The following HS6ST3 variants were observed in gnomAD, a reference collection of about 807,000 sequenced individuals.
The protein encoded by HS6ST3 is heparan sulfate 6-O-sulfotransferase 3, also known as heparan-sulfate 6-O-sulfotransferase 3.
A neutral mutation model predicts 36.7 loss-of-function variants in HS6ST3; 12 were observed. That is an observed-to-expected ratio of 0.33 (90% CI 0.21 to 0.53). The LOEUF is 0.53. Among genes scored for constraint, HS6ST3 ranks in the 20% least tolerant of loss-of-function variants. The pLI is 0.95. For missense variants in HS6ST3, 584 were observed against 640.9 expected (o/e 0.91, Z 0.96); for synonymous variants, 240 against 257.5 (o/e 0.93, Z 0.65).
chr13:96,121,055 A>C (rs1233637684), intron 1 of HS6ST3, among the ~76,000 whole-genome samples: 2 of 152,184 alleles, frequency 1.3e-5, no homozygotes, highest in Admixed American at 1.3e-4. Context: ...CAAGTCCGAG[A>C]CCTAAAACAG....
At chr13:96,317,370 A>T (rs1186498978) in intron 1 of HS6ST3, among the ~76,000 whole-genome samples, 11 of 15,354 alleles carry the variant, frequency 7.2e-4, no homozygotes, top group African/African-American at 8.7e-4. Context: ...ATATATATAA[A>T]ATTATATATA....
chr13:96,354,478 A>G (rs545924264), intron 1 of HS6ST3, among the ~76,000 whole-genome samples: 1 of 152,264 alleles, frequency 6.6e-6, no homozygotes, highest in African/African-American at 2.4e-5. Context: ...ATGATCATGT[A>G]TCTATATTAC....
rs1260963103 is a variant in HS6ST3, at chr13:96,837,979, GGA to G, written c.*4787_*4788del. 1.3e-5 allele frequency: 2 copies of G among 152,138 alleles called. No homozygotes were observed. The highest frequency in any genetic ancestry group is 4.8e-5 in the African/African-American group (2 of 41,422). 9.4% of individuals were successfully genotyped at this position (152,138 alleles called of 1,614,324 possible). On this transcript the variant is annotated 3_prime_UTR_variant, in exon 2 of 2. Transcript: ENST00000376705. ...AAATGAGTCCCTTTGCATACTCACTGGAGAGAGGAAATGCTTTAAGTTGTCCT... is the reference window on the plus strand; with the variant it reads ...AAATGAGTCCCTTTGCATACTCACTGGAGAGGAAATGCTTTAAGTTGTCCT...
intron 1 of HS6ST3, among the ~76,000 whole-genome samples, chr13:96,243,309 A>G (rs1311945681): frequency 2.6e-5 from 4 of 152,106 alleles, no homozygotes; most frequent in African/African-American, 7.2e-5. Context: ...TTGTTTCTTG[A>G]GCATTCTTTG....
intron 1 of HS6ST3, among the ~76,000 whole-genome samples, chr13:96,590,964 T>A (rs551552407): frequency 1.3e-5 from 2 of 152,254 alleles, no homozygotes; most frequent in Admixed American, 6.5e-5. Context: ...CTCCAGTGTA[T>A]GTTCTTGGTA....
intron 1 of HS6ST3, among the ~76,000 whole-genome samples, chr13:96,361,380 A>G (rs1267414546): frequency 2.0e-5 from 3 of 152,192 alleles, no homozygotes; most frequent in African/African-American, 7.2e-5. Context: ...ATTCTGAATA[A>G]TGTGTAATAG....
At chr13:96,381,048 AG>A in intron 1 of HS6ST3, among the ~76,000 whole-genome samples, 1 of 152,236 alleles carries the variant, frequency 6.6e-6, no homozygotes, top group South Asian at 2.1e-4. Context: ...TGTTTAGCAT[AG>A]AAAAAAGAGA....
intron 1 of HS6ST3, among the ~76,000 whole-genome samples, chr13:96,269,342 C>A (rs2054708353): frequency 6.6e-6 from 1 of 152,014 alleles, no homozygotes; most frequent in South Asian, 2.1e-4. Flanking sequence ...CCTTGCCTTA[C>A]AATTTATTAC....
chr13:96,633,029 G>A (rs915953848), intron 1 of HS6ST3, among the ~76,000 whole-genome samples: 3 of 152,040 alleles, frequency 2.0e-5, no homozygotes, highest in African/African-American at 7.2e-5. Flanking sequence ...TTTTTTTTCT[G>A]TTTTTTCATC....
intron 1 of HS6ST3, among the ~76,000 whole-genome samples, chr13:96,172,688 T>A (rs1266812110): frequency 6.6e-6 from 1 of 152,224 alleles, no homozygotes; most frequent in Non-Finnish European, 1.5e-5. Flanking sequence ...CTCAGGTGCA[T>A]CTTATTTCTC....
chr13:96,702,528 C>T (rs1320365181), intron 1 of HS6ST3, among the ~76,000 whole-genome samples: 1 of 152,132 alleles, frequency 6.6e-6, no homozygotes, highest in African/African-American at 2.4e-5. Context: ...TAATCTTGAA[C>T]CTTCCAGAGT....
At chr13:96,623,350 AT>A (rs1193431963) in intron 1 of HS6ST3, among the ~76,000 whole-genome samples, 1 of 152,006 alleles carries the variant, frequency 6.6e-6, no homozygotes, top group Admixed American at 6.6e-5. Flanking sequence ...ACAGATCCTC[AT>A]TTTTATTCAT....
At chr13:96,518,746 T>A (rs949134067) in intron 1 of HS6ST3, among the ~76,000 whole-genome samples, 5 of 152,192 alleles carry the variant, frequency 3.3e-5, no homozygotes, top group African/African-American at 1.2e-4. Flanking sequence ...ATTATCCACT[T>A]ATATTGTGTT....
chr13:96,699,123 G>T (rs1875212528), intron 1 of HS6ST3, among the ~76,000 whole-genome samples: 1 of 152,114 alleles, frequency 6.6e-6, no homozygotes, highest in African/African-American at 2.4e-5. Context: ...AGACTTATAT[G>T]TTAGACCTAA....
intron 1 of HS6ST3, among the ~76,000 whole-genome samples, chr13:96,513,803 T>C (rs1029838790): frequency 6.6e-6 from 1 of 152,024 alleles, no homozygotes; most frequent in Non-Finnish European, 1.5e-5. Flanking sequence ...AGGGTGATGA[T>C]AGAAGTGGTT....
intron 1 of HS6ST3, among the ~76,000 whole-genome samples, chr13:96,207,062 G>A (rs964167756): frequency 7.9e-5 from 12 of 151,904 alleles, no homozygotes; most frequent in African/African-American, 2.9e-4. Flanking sequence ...CTATCCATCT[G>A]AGGTCTAATA....
chr13:96,740,037 C>A (rs1018657363), intron 1 of HS6ST3, among the ~76,000 whole-genome samples: 6 of 152,104 alleles, frequency 3.9e-5, no homozygotes, highest in African/African-American at 1.4e-4. Flanking sequence ...AAAATTTTGC[C>A]ACCTATTTCT....
chr13:96,360,331 T>A (rs537536077), intron 1 of HS6ST3, among the ~76,000 whole-genome samples: 1 of 152,010 alleles, frequency 6.6e-6, no homozygotes, highest in East Asian at 1.9e-4. Flanking sequence ...AATAGGGGAA[T>A]GTCTTATTCA....
At chr13:96,778,599 G>A (rs1484245501) in intron 1 of HS6ST3, among the ~76,000 whole-genome samples, 2 of 152,164 alleles carry the variant, frequency 1.3e-5, no homozygotes, top group Non-Finnish European at 2.9e-5. Context: ...TTAGAAAAAT[G>A]CAAATCAAAA....
Sources: gnomAD v4.1 joint callset for allele counts (sites outside exome capture counted in the v4.1 genomes callset) on GRCh38, gnomAD v4.1.1 for gene constraint, MANE v1.5 for transcripts, NCBI Gene and HGNC (gene_info 2026-07-23, HGNC 2026-07-21) for gene names.